The following MPHOSPH9 variants were observed in gnomAD, a reference collection of about 807,000 sequenced individuals.
MPHOSPH9 encodes M-phase phosphoprotein 9.
In MPHOSPH9, 88 loss-of-function variants were observed where a neutral mutation model predicts 145.5. The observed-to-expected ratio is 0.60, with a 90% CI of 0.51 to 0.72. The LOEUF is 0.72. Ranked by LOEUF, MPHOSPH9 falls within the 30% of genes least tolerant of loss-of-function variation. The pLI is 0.00. For missense variants in MPHOSPH9, 1,238 were observed against 1,386.6 expected, an observed-to-expected ratio of 0.89 and a Z score of 1.70; for synonymous variants, 435 against 486.2, an observed-to-expected ratio of 0.89 and a Z score of 1.39.
chr12:123,199,525 A>G (rs2046122217), intron 11 of MPHOSPH9, among the ~76,000 whole-genome samples: 1 of 152,176 alleles, frequency 6.6e-6, no homozygotes, highest in African/African-American at 2.4e-5. Context: ...TCACGCCTGT[A>G]ATCCCAGCAC....
At chr12:123,214,041 G>A (rs992276205) in intron 7 of MPHOSPH9, among the ~76,000 whole-genome samples, 1 of 151,876 alleles carries the variant, frequency 6.6e-6, no homozygotes, top group Non-Finnish European at 1.5e-5. Context: ...TTGGATGTGG[G>A]ATATGGAAAA....
At chr12:123,175,914 A>T (rs1178551618) in intron 16 of MPHOSPH9, among the ~76,000 whole-genome samples, 1 of 150,634 alleles carries the variant, frequency 6.6e-6, no homozygotes, top group African/African-American at 2.4e-5. Context: ...ATTTTATTTT[A>T]TAGAGATGGG....
chr12:123,241,158 GT>G lies in MPHOSPH9; in HGVS notation c.-159+2694del, dbSNP rs1263874829. Among the ~76,000 whole-genome samples, 210 of 132,666 alleles carry G rather than the reference GT, an allele frequency of 1.6e-3. 1 individual carries two copies. The highest frequency in any genetic ancestry group is 2.5e-3 in the Admixed American group (32 of 12,946). 87.0% of individuals were successfully genotyped at this position (132,666 alleles called of 152,430 possible). ...TTGGGGTTGTTTTTTTTTTGTTTTTGTTTTTTTTTTAATAAAAGAGATGGAG... is the reference window on the plus strand; with the variant it reads ...TTGGGGTTGTTTTTTTTTTGTTTTTGTTTTTTTTTAATAAAAGAGATGGAG... On this transcript the variant is annotated intron_variant, in intron 1 of 2. Transcript: ENST00000545406.
intron 7 of MPHOSPH9, among the ~76,000 whole-genome samples, chr12:123,211,391 G>A (rs989400025): frequency 1.3e-5 from 2 of 152,152 alleles, no homozygotes; most frequent in African/African-American, 4.8e-5. Flanking sequence ...AAAGTGCTGG[G>A]ATTATAGGCA....
Position 123,195,398 on chromosome 12 carries a change from A to G in MPHOSPH9, c.2026-797T>C, listed in dbSNP as rs143230801. ...TCAGGAGTTCAAGAGCAGCCTGGCCAACATGGTGAAACCCCGTCTCTACTA... is the reference window on the plus strand; with the variant it reads ...TCAGGAGTTCAAGAGCAGCCTGGCCGACATGGTGAAACCCCGTCTCTACTA... On this transcript the variant is annotated intron_variant, in intron 12 of 23. Transcript: ENST00000606320. Among the ~76,000 whole-genome samples, 692 of 151,790 alleles carry G rather than the reference A, an allele frequency of 4.6e-3. 6 individuals are homozygous for G. The highest frequency in any genetic ancestry group is 0.016 in the African/African-American group (668 of 41,328).
chr12:123,222,167 T>C (rs2138604291), intron 4 of MPHOSPH9, among the ~76,000 whole-genome samples: 1 of 148,360 alleles, frequency 6.7e-6, no homozygotes, highest in South Asian at 2.1e-4. Flanking sequence ...ACTCTGACTC[T>C]ACTAAAAATT....
chr12:123,207,352 C>G (rs866955740), intron 8 of MPHOSPH9, among the ~76,000 whole-genome samples: 4 of 151,852 alleles, frequency 2.6e-5, no homozygotes, highest in East Asian at 1.9e-4. Flanking sequence ...AATCTTACCC[C>G]CCTCATACTT....
At chr12:123,183,871 T>C (rs1168690748) in intron 13 of MPHOSPH9, among the ~76,000 whole-genome samples, 1 of 151,936 alleles carries the variant, frequency 6.6e-6, no homozygotes, top group African/African-American at 2.4e-5. Context: ...AATCCAAGGA[T>C]AATAGTGGAG....
At chr12:123,223,171 T>G (rs1565973638) in intron 3 of MPHOSPH9, 44 bp from the exon 4 acceptor site, 1 of 1,203,104 alleles carries the variant, frequency 8.3e-7, no homozygotes, top group Non-Finnish European at 1.1e-6. Context: ...ATTTTTTGAC[T>G]TAACATTTCA....
rs1254410067 is a variant in MPHOSPH9 at position 123,167,849 on chromosome 12, C to A, written c.2457-1060G>T. Reference sequence around the variant, plus strand: ...GTCATTCCCCAGACTTTAGAGCCTGCCTTGTTTTCTCCACACCTATGCCTG... The same window carrying A: ...GTCATTCCCCAGACTTTAGAGCCTGACTTGTTTTCTCCACACCTATGCCTG... On this transcript the variant is annotated intron_variant, in intron 16 of 23. Coordinates refer to ENST00000606320, the MANE Select transcript of MPHOSPH9 (RefSeq NM_022782.4). Among the ~76,000 whole-genome samples, 4 of 152,246 alleles carry A rather than the reference C, an allele frequency of 2.6e-5. No individual in the cohort carries two copies. In the East Asian group the frequency reaches 5.8e-4, roughly 22 times the overall value.
chr12:123,196,311 T>C (rs1248984042), intron 12 of MPHOSPH9, among the ~76,000 whole-genome samples: 1 of 151,170 alleles, frequency 6.6e-6, no homozygotes, highest in African/African-American at 2.4e-5. Context: ...GATCGCACCA[T>C]TGCACTCCAG....
At chr12:123,163,375 T>C (rs1302666878) in intron 19 of MPHOSPH9, 3 of 395,762 alleles carry the variant, frequency 7.6e-6, no homozygotes, top group Non-Finnish European at 1.3e-5. Flanking sequence ...AAACTGGTTT[T>C]TCAGGATTTT....
chr12:123,210,006 G>A, intron 8 of MPHOSPH9, 50 bp downstream of exon 8: 1 of 1,343,194 alleles, frequency 7.4e-7, no homozygotes, highest in Non-Finnish European at 1.0e-6. Flanking sequence ...AAAGCGCTGG[G>A]ATTACAGGCG....
chr12:123,180,313 G>T lies in MPHOSPH9; in HGVS notation c.2290-323C>A, dbSNP rs542962734. Among the ~76,000 whole-genome samples, 3 of 152,286 alleles carry T rather than the reference G, an allele frequency of 2.0e-5. No homozygotes were observed. In the South Asian group the frequency reaches 6.2e-4, roughly 32 times the overall value. ...ATGGTAAAACAAATATTTTCAATGA[G>T]ATTTAGATATCATGGGATCTGCTCC... On this transcript the variant is annotated intron_variant, in intron 14 of 23. Transcript: ENST00000606320.
chr12:123,218,349 C>T (rs760098592), intron 6 of MPHOSPH9, 27 bp downstream of exon 6: 1 of 1,613,262 alleles, frequency 6.2e-7, no homozygotes, highest in South Asian at 1.1e-5. Context: ...GTACTGGAGC[C>T]CGCAGGGAAA....
chr12:123,192,945 G>A (rs947374897), intron 13 of MPHOSPH9, among the ~76,000 whole-genome samples: 30 of 150,814 alleles, frequency 2.0e-4, no homozygotes, highest in Admixed American at 7.3e-4. Context: ...GGTGGCACGC[G>A]CCTGTACTCC....
At chr12:123,192,628 CAAAAAAAAAAA>C (rs55831766) in intron 13 of MPHOSPH9, among the ~76,000 whole-genome samples, 13 of 49,372 alleles carry the variant, frequency 2.6e-4, no homozygotes, top group Non-Finnish European at 3.9e-4. Flanking sequence ...GACACCGTCT[CAAAAAAAAAAA>C]AAAAAAAAAA....
At chr12:123,211,240 C>T (rs2046699701) in intron 7 of MPHOSPH9, among the ~76,000 whole-genome samples, 1 of 152,146 alleles carries the variant, frequency 6.6e-6, no homozygotes, top group South Asian at 2.1e-4. Context: ...CTGCCTCGGC[C>T]TCCCAAAGTG....
Position 123,230,537 on chromosome 12 carries a change from G to T in MPHOSPH9, c.-158-15C>A. 2.2e-6 allele frequency: 1 copy of T among 445,012 alleles called. No homozygotes were observed. The highest frequency in any genetic ancestry group is 4.0e-6 in the Non-Finnish European group (1 of 251,096). 27.6% of individuals were successfully genotyped at this position (445,012 alleles called of 1,614,324 possible). On this transcript the variant is annotated splice_polypyrimidine_tract_variant and intron_variant, in intron 1 of 23. Coordinates refer to ENST00000606320, the MANE Select transcript of MPHOSPH9 (RefSeq NM_022782.4). ...TCCAAGAGAGTCTGAAAATGAATGG[G>T]GGAAAAAAATACTACTATAAAAAGC...
Sources: gnomAD v4.1 joint callset for allele counts (sites outside exome capture counted in the v4.1 genomes callset) on GRCh38, gnomAD v4.1.1 for gene constraint, MANE v1.5 for transcripts, NCBI Gene and HGNC (gene_info 2026-07-23, HGNC 2026-07-21) for gene names.